TEX11: variants seen among roughly 807,000 people sequenced by gnomAD.
TEX11 encodes the protein testis-expressed protein 11.
TEX11 carries 7 observed loss-of-function variants against 84.4 expected under a neutral mutation model. That is an observed-to-expected ratio of 0.08 (90% CI 0.05 to 0.16). TEX11 has a LOEUF of 0.16. Ranked by LOEUF, TEX11 falls within the 10% of genes least tolerant of loss-of-function variation. The pLI, the probability that TEX11 is intolerant of heterozygous loss-of-function variation, is 1.00. For synonymous variants in TEX11, 264 were observed against 222.8 expected, an observed-to-expected ratio of 1.18 and a Z score of -1.64; for missense variants, 551 against 660.5, an observed-to-expected ratio of 0.83 and a Z score of 1.82.
rs753046266 is a variant in TEX11, at chrX:70,540,493, AT to A, written c.2521-10495del. 2.7e-4 allele frequency among the ~76,000 whole-genome samples: 30 copies of A among 111,272 alleles called. No homozygotes were observed. In the South Asian group the frequency reaches 3.4e-3, roughly 13 times the overall value. The stretch of plus-strand genomic sequence containing the variant: ...TTTTTTTTCAATTGTTTATTAAATA[AT>A]TTTTTTTATTATGGAGATAATTAAA... On this transcript the variant is annotated intron_variant, in intron 28 of 29. Coordinates refer to ENST00000374333, the MANE Select transcript of TEX11 (RefSeq NM_031276.3).
intron 14 of TEX11, among the ~76,000 whole-genome samples, chrX:70,679,975 G>A (rs866311516): frequency 1.1e-5 from 1 of 93,265 alleles, no homozygotes; most frequent in Non-Finnish European, 2.2e-5. Context: ...TCAGCCCCCC[G>A]CCCGGCCAGC....
chrX:70,588,856 C>T (rs747211159), intron 25 of TEX11, among the ~76,000 whole-genome samples: 4 of 107,713 alleles, frequency 3.7e-5, no homozygotes, highest in Non-Finnish European at 7.7e-5. Flanking sequence ...ATAGCTTGAG[C>T]GCAGGGTTCA....
At chrX:70,767,777 G>A (rs747702135) in intron 9 of TEX11, among the ~76,000 whole-genome samples, 2 of 111,822 alleles carry the variant, frequency 1.8e-5, no homozygotes, top group Admixed American at 1.9e-4. Flanking sequence ...TTATACAGTG[G>A]AGTCTTATTT....
chrX:70,906,112 T>A (rs867497494), intron 2 of TEX11, among the ~76,000 whole-genome samples: 1 of 48,170 alleles, frequency 2.1e-5, no homozygotes, highest in Non-Finnish European at 3.2e-5. Context: ...TATATATATA[T>A]ATATATATAT....
At chrX:70,765,557 C>G (rs1340285268) in intron 9 of TEX11, among the ~76,000 whole-genome samples, 1 of 110,348 alleles carries the variant, frequency 9.1e-6, no homozygotes, top group African/African-American at 3.3e-5. Context: ...TCAATTGATG[C>G]TGAAAAAGCA....
At chrX:70,794,211 A>G (rs1350826309) in intron 9 of TEX11, among the ~76,000 whole-genome samples, 1 of 111,621 alleles carries the variant, frequency 9.0e-6, no homozygotes, top group Non-Finnish European at 1.9e-5. Flanking sequence ...GAGTGCAATG[A>G]TTGTGAGACT....
chrX:70,811,152 T>C (rs1006364598), intron 8 of TEX11, among the ~76,000 whole-genome samples: 1 of 110,769 alleles, frequency 9.0e-6, no homozygotes, highest in African/African-American at 3.3e-5. Context: ...ATTAGGTATA[T>C]CTCCTAATGC....
At chrX:70,779,156 C>T (rs1238231715) in intron 9 of TEX11, among the ~76,000 whole-genome samples, 1 of 111,185 alleles carries the variant, frequency 9.0e-6, no homozygotes, top group Non-Finnish European at 1.9e-5. Flanking sequence ...GTGGCTCACG[C>T]CTGTAATCCC....
intron 28 of TEX11, among the ~76,000 whole-genome samples, chrX:70,540,763 A>C (rs1569315784): frequency 9.0e-6 from 1 of 111,654 alleles, no homozygotes; most frequent in Non-Finnish European, 1.9e-5. Context: ...AGGCCATTAA[A>C]CACCCAGTCA....
chrX:70,798,334 T>C (rs1178000368), intron 9 of TEX11, among the ~76,000 whole-genome samples: 1 of 110,524 alleles, frequency 9.0e-6, no homozygotes, highest in Non-Finnish European at 1.9e-5. Context: ...AAGAAAGAAA[T>C]TGAAGAAAAC....
chrX:70,812,318 T>C (rs772763850), intron 8 of TEX11, among the ~76,000 whole-genome samples: 3 of 110,395 alleles, frequency 2.7e-5, no homozygotes, highest in Non-Finnish European at 3.8e-5. Context: ...ATCATTCTCC[T>C]GCCTCAGCCT....
intron 28 of TEX11, among the ~76,000 whole-genome samples, chrX:70,547,737 T>C (rs1318438660): frequency 4.5e-5 from 5 of 111,853 alleles, no homozygotes; most frequent in African/African-American, 1.6e-4. Flanking sequence ...TCACACCAGT[T>C]AGAATGGCGA....
At chrX:70,888,730 T>A (rs1321218089) in intron 2 of TEX11, among the ~76,000 whole-genome samples, 1 of 111,417 alleles carries the variant, frequency 9.0e-6, no homozygotes, top group Non-Finnish European at 1.9e-5. Context: ...ACAAAAAGGT[T>A]ATAGAACACC....
At chrX:70,759,170 G>A (rs755096321) in intron 9 of TEX11, among the ~76,000 whole-genome samples, 119 of 111,626 alleles carry the variant, frequency 1.1e-3, no homozygotes, top group Non-Finnish European at 1.8e-3. Context: ...CGGACTCACA[G>A]CCAAATTCTA....
chrX:70,850,647 C>T (rs1271548629), intron 7 of TEX11, among the ~76,000 whole-genome samples: 2 of 109,937 alleles, frequency 1.8e-5, no homozygotes, highest in Admixed American at 2.0e-4. Flanking sequence ...CTTACCTACT[C>T]GGGAGGTTGA....
chrX:70,668,148 G>T (rs1323247914), intron 16 of TEX11, among the ~76,000 whole-genome samples: 2 of 111,709 alleles, frequency 1.8e-5, no homozygotes, highest in Non-Finnish European at 3.8e-5. Flanking sequence ...AAGCATGGGT[G>T]CTTAAGGACA....
chrX:70,639,624 C>A (rs1457929915), intron 17 of TEX11, among the ~76,000 whole-genome samples: 1 of 111,732 alleles, frequency 8.9e-6, no homozygotes, highest in Non-Finnish European at 1.9e-5. Context: ...GACCCCCAAG[C>A]AGCCTAACTG....
intron 28 of TEX11, 87 bp from the exon 29 acceptor site, chrX:70,530,086 C>T: frequency 5.9e-6 from 5 of 841,117 alleles, no homozygotes; most frequent in Non-Finnish European, 6.8e-6. Context: ...CCCTTTATTA[C>T]TAAACAAACA....
intron 20 of TEX11, among the ~76,000 whole-genome samples, chrX:70,613,375 C>T (rs981801605): frequency 3.6e-5 from 4 of 111,641 alleles, no homozygotes; most frequent in African/African-American, 6.5e-5. Flanking sequence ...GAGAAATCTG[C>T]GCACTTGAGA....
Sources: gnomAD v4.1 joint callset for allele counts (sites outside exome capture counted in the v4.1 genomes callset) on GRCh38, gnomAD v4.1.1 for gene constraint, MANE v1.5 for transcripts, NCBI Gene and HGNC (gene_info 2026-07-23, HGNC 2026-07-21) for gene names.